Variants in SLC25A32 observed in about 807,000 individuals in gnomAD.
SLC25A32 encodes the protein Glycine auxotroph B, complementation of hamster.
Under a neutral mutation model 39.0 loss-of-function variants are expected in SLC25A32, and 32 were observed. That is an observed-to-expected ratio of 0.82 (90% CI 0.62 to 1.10). The LOEUF (loss-of-function observed/expected upper bound fraction) is 1.10. Among genes scored for constraint, SLC25A32 ranks in the 50% least tolerant of loss-of-function variants. The pLI, the probability that SLC25A32 is intolerant of heterozygous loss-of-function variation, is 0.00. For synonymous variants in SLC25A32, 166 were observed against 152.4 expected, an observed-to-expected ratio of 1.09 and a Z score of -0.66; for missense variants, 367 against 395.3, an observed-to-expected ratio of 0.93 and a Z score of 0.61.
rs1816166763 is a variant in SLC25A32, at chr8:103,399,304, T to G, written c.*1107A>C. 1 of 152,354 alleles carries G rather than the reference T, an allele frequency of 6.6e-6. No individual in the cohort carries two copies. The highest frequency in any genetic ancestry group is 3.4e-3 in the Middle Eastern group (1 of 294). The allele number at this position is 152,354 out of a possible 1,614,324, so 9.4% of individuals were successfully genotyped here. The stretch of plus-strand genomic sequence containing the variant: ...TGTAAAAGGTGATCTATTTAGCATC[T>G]GTAATAAGTGATTTATAGTTATATA... On this transcript the variant is annotated 3_prime_UTR_variant, in exon 7 of 7. Transcript: ENST00000297578.
chr8:103,413,507 A>G (rs1181892654), intron 1 of SLC25A32, among the ~76,000 whole-genome samples: 2 of 152,252 alleles, frequency 1.3e-5, no homozygotes, highest in Non-Finnish European at 2.9e-5. Context: ...TGTATAGCAG[A>G]TATCATAAAC....
In SLC25A32 at chr8:103,401,969, T is replaced by C. The variant is rs1311352859; in HGVS notation, c.638A>G (p.His213Arg). The C allele has an allele frequency of 1.9e-6, 3 of 1,613,186 alleles. No individual in the cohort carries two copies. Among genetic ancestry groups the C allele is most frequent in the African/African-American group, 2.7e-5 (2 of 74,920 alleles). The change falls in exon 5 of 7, where the codon CAT (histidine) becomes CGT (arginine). Residue 213 changes from histidine to arginine, a missense_variant. Physicochemically the swap from His to Arg is conservative, Grantham distance 29. Transcript: ENST00000297578. Reference protein sequence around the residue: ...YELLKLKYNQHINRLPEAQLS... With the variant: ...YELLKLKYNQRINRLPEAQLS... ...CTGGGCTTCTGGTAATCTATTGATA[T>C]GCTGGTTGTACTTCAACTTCAGCAA...
intron 3 of SLC25A32, 81 bp from the exon 4 acceptor site, chr8:103,403,405 TA>T: frequency 5.1e-6 from 3 of 591,648 alleles, no homozygotes; most frequent in Non-Finnish European, 4.8e-6. Context: ...ACAGTACATT[TA>T]TGTAAAAAAA....
chr8:103,413,366 CTTATAGAGGTAA>C (rs1816507395), intron 1 of SLC25A32, among the ~76,000 whole-genome samples: 1 of 152,138 alleles, frequency 6.6e-6, no homozygotes, highest in South Asian at 2.1e-4. Flanking sequence ...ATAACAGGTA[CTTATAGAGGTAA>C]TACGGTGAGG....
chr8:103,406,049 A>G (rs996776088), intron 2 of SLC25A32, among the ~76,000 whole-genome samples: 3 of 146,040 alleles, frequency 2.1e-5, no homozygotes, highest in African/African-American at 5.1e-5. Flanking sequence ...CAAATTCATG[A>G]TGTGTGTGTG....
At chr8:103,404,921 GTGTA>G (rs755716003) in intron 2 of SLC25A32, 60 bp from the exon 3 acceptor site, 60 of 1,191,196 alleles carry the variant, frequency 5.0e-5, no homozygotes, top group Non-Finnish European at 6.2e-5. Flanking sequence ...CTGTTTTAAA[GTGTA>G]TGTAAGTCAA....
chr8:103,414,959 C>T lies in SLC25A32; in HGVS notation c.-22G>A. On this transcript the variant is annotated 5_prime_UTR_variant, in exon 1 of 7. Transcript: ENST00000297578. ...TCATAGGCTCGGGGCCCGTCGACAC[C>T]ACGGCGCCCAGGGCCGCGGAGGTGG... 8.8e-6 allele frequency: 14 copies of T among 1,590,502 alleles called. No homozygotes were observed. The highest frequency in any genetic ancestry group is 1.2e-5 in the Non-Finnish European group (14 of 1,168,700).
chr8:103,409,908 TAC>T (rs1175991766), intron 1 of SLC25A32, among the ~76,000 whole-genome samples: 1 of 152,206 alleles, frequency 6.6e-6, no homozygotes, highest in Non-Finnish European at 1.5e-5. Context: ...ATAAATCATG[TAC>T]CTCACCGGGT....
chr8:103,401,717 A>G, intron 5 of SLC25A32, 56 bp from the exon 6 acceptor site: 1 of 1,440,236 alleles, frequency 6.9e-7, no homozygotes, highest in South Asian at 1.4e-5. Flanking sequence ...TTAAAAATAC[A>G]GAAGTAAAAA....
chr8:103,405,586 T>G (rs988840522), intron 2 of SLC25A32, among the ~76,000 whole-genome samples: 5 of 152,088 alleles, frequency 3.3e-5, no homozygotes, highest in Non-Finnish European at 7.4e-5. Flanking sequence ...AGTAAGGGAG[T>G]CAAATCAGCC....
intron 6 of SLC25A32, 139 bp downstream of exon 6, chr8:103,401,377 T>A: frequency 1.5e-6 from 1 of 670,942 alleles, no homozygotes; most frequent in Non-Finnish European, 2.4e-6. Flanking sequence ...ACATACGTAA[T>A]AACTGGGAAA....
Position 103,399,131 on chromosome 8 carries a change from A to G in SLC25A32, c.*1280T>C, listed in dbSNP as rs1170869424. ...CATAAAAGTAAAATCAATAAAGGCT[A>G]TTAATTTGTATTTCAACCTGAATTT... On this transcript the variant is annotated 3_prime_UTR_variant, in exon 7 of 7. Coordinates refer to ENST00000297578, the MANE Select transcript of SLC25A32 (RefSeq NM_030780.5). 1 of 152,220 alleles carries G rather than the reference A, an allele frequency of 6.6e-6. No individual in the cohort carries two copies. Among genetic ancestry groups the G allele is most frequent in the Non-Finnish European group, 1.5e-5 (1 of 68,034 alleles). 9.4% of individuals were successfully genotyped at this position (152,220 alleles called of 1,614,324 possible). A position where few individuals can be genotyped will look rare whatever the true frequency, so the allele number is the denominator to read the frequency against.
In SLC25A32 at chr8:103,407,791, CA is replaced by C; in HGVS notation, c.155-8del. ...AGTTCCAATCCATCACTCACTGCAT[CA>C]AGGGATACACAAAGTCAGGTAAGAA... On this transcript the variant is annotated splice_region_variant and splice_polypyrimidine_tract_variant and intron_variant, in intron 1 of 6. Transcript: ENST00000297578. 1 of 1,611,482 alleles carries C rather than the reference CA, an allele frequency of 6.2e-7. No homozygotes were observed. Among genetic ancestry groups the C allele is most frequent in the Admixed American group, 1.7e-5 (1 of 59,894 alleles).
intron 1 of SLC25A32, among the ~76,000 whole-genome samples, chr8:103,412,829 A>C (rs1181242049): frequency 1.3e-5 from 2 of 152,246 alleles, no homozygotes; most frequent in Admixed American, 6.5e-5. Context: ...ACATGCATTC[A>C]GAATTAACCC....
chr8:103,398,775 T>G lies in SLC25A32; in HGVS notation c.*1636A>C, dbSNP rs1348554882. ...TGTGGGGACTAATATCAAGATTTCA[T>G]ATGAATTATAGTATAATCCAGAAGT... On this transcript the variant is annotated 3_prime_UTR_variant, in exon 7 of 7. Transcript: ENST00000297578. The G allele has an allele frequency of 6.6e-6, 1 of 152,228 alleles. No homozygotes were observed. The highest frequency in any genetic ancestry group is 1.5e-5 in the Non-Finnish European group (1 of 68,042). The allele number at this position is 152,228 out of a possible 1,614,324, so 9.4% of individuals were successfully genotyped here.
intron 2 of SLC25A32, among the ~76,000 whole-genome samples, chr8:103,407,055 A>G (rs1238474775): frequency 2.0e-5 from 3 of 152,178 alleles, no homozygotes; most frequent in Non-Finnish European, 2.9e-5. Flanking sequence ...CAAAATCACT[A>G]ATAAATAACA....
chr8:103,410,852 TA>T (rs1052594572), intron 1 of SLC25A32, among the ~76,000 whole-genome samples: 10 of 152,132 alleles, frequency 6.6e-5, no homozygotes, highest in African/African-American at 2.4e-4. Context: ...ATAATGACTT[TA>T]AAAAAATTAT....
intron 3 of SLC25A32, 91 bp from the exon 4 acceptor site, chr8:103,403,415 A>C: frequency 2.6e-6 from 2 of 767,292 alleles, no homozygotes; most frequent in Non-Finnish European, 4.0e-6. Flanking sequence ...TATGTAAAAA[A>C]AAAAAAAAAA....
intron 2 of SLC25A32, among the ~76,000 whole-genome samples, chr8:103,405,822 C>T (rs956946830): frequency 5.3e-5 from 8 of 151,900 alleles, no homozygotes; most frequent in Admixed American, 5.2e-4. Flanking sequence ...CATCATGATG[C>T]CAGACTAATT....
Sources: allele counts gnomAD v4.1 joint callset (sites outside exome capture counted in the v4.1 genomes callset), GRCh38; gene constraint gnomAD v4.1.1; transcripts MANE v1.5; gene names NCBI Gene and HGNC (gene_info 2026-07-23, HGNC 2026-07-21).